Variants in CHCHD6 observed in about 807,000 individuals in gnomAD.
CHCHD6 encodes MICOS complex subunit MIC25.
A neutral mutation model predicts 32.3 loss-of-function variants in CHCHD6; 28 were observed. That is an observed-to-expected ratio of 0.87 (90% CI 0.64 to 1.19). The LOEUF is 1.19. CHCHD6 is among the 50% of genes most tolerant of loss of function. CHCHD6 has a pLI of 0.00. For missense variants in CHCHD6, 333 were observed against 307.0 expected (o/e 1.08, Z -0.63); for synonymous variants, 122 against 117.5 (o/e 1.04, Z -0.25).
chr3:126,929,090 GTGCATGCAGCTGGGCAGATATCTGAAGAT>G (rs1401823635), intron 6 of CHCHD6, among the ~76,000 whole-genome samples: 1 of 152,232 alleles, frequency 6.6e-6, no homozygotes, highest in Non-Finnish European at 1.5e-5. Flanking sequence ...CAAAGTACCT[GTGCATGCAGCTGGGCAGATATCTGAAGAT>G]AACTTTTATG....
chr3:126,957,429 G>C lies in CHCHD6; in HGVS notation c.580G>C (p.Glu194Gln). 1.2e-6 allele frequency: 2 copies of C among 1,611,336 alleles called. No individual in the cohort carries two copies. The highest frequency in any genetic ancestry group is 1.1e-5 in the South Asian group (1 of 90,408). The part of the protein sequence containing the change: ...MESTIKPRRV[E>Q]PVCSGLQAQI... ...TGTCTTCTGCAGGCCCCGCAGGGTG[G>C]AGCCCGTCTGCTCAGGGTTGCAGGC... Residue 194 changes from glutamate to glutamine, a missense_variant, in exon 7 of 8, where the codon GAG (glutamate) becomes CAG (glutamine). Glu to Gln is a conservative substitution (Grantham distance 29, BLOSUM62 2). Transcript: ENST00000290913.
intron 5 of CHCHD6, among the ~76,000 whole-genome samples, chr3:126,868,398 C>A (rs530033813): frequency 1.3e-5 from 2 of 152,074 alleles, no homozygotes; most frequent in East Asian, 3.9e-4. Flanking sequence ...AATTACCCAA[C>A]CATCTGCTTG....
At chr3:126,905,487 G>T (rs1047374506) in intron 5 of CHCHD6, among the ~76,000 whole-genome samples, 3 of 152,122 alleles carry the variant, frequency 2.0e-5, no homozygotes, top group Non-Finnish European at 4.4e-5. Flanking sequence ...GCGCCTACAG[G>T]GACAGTGCCA....
intron 5 of CHCHD6, among the ~76,000 whole-genome samples, chr3:126,856,007 G>C (rs951052082): frequency 1.4e-4 from 21 of 152,126 alleles, no homozygotes; most frequent in African/African-American, 5.1e-4. Flanking sequence ...GTTCTACCTG[G>C]CAACCTTCAT....
chr3:126,725,885 G>A (rs1261245383), intron 1 of CHCHD6, among the ~76,000 whole-genome samples: 1 of 152,228 alleles, frequency 6.6e-6, no homozygotes, highest in Non-Finnish European at 1.5e-5. Context: ...AAGAGAGAGA[G>A]CCTTGGGCTT....
At chr3:126,706,617 A>G (rs1054553153) in intron 1 of CHCHD6, among the ~76,000 whole-genome samples, 2 of 152,102 alleles carry the variant, frequency 1.3e-5, no homozygotes, top group Non-Finnish European at 2.9e-5. Context: ...GTGCACAGTA[A>G]GGTGCACAGC....
intron 4 of CHCHD6, among the ~76,000 whole-genome samples, chr3:126,814,065 T>C (rs1433545694): frequency 1.3e-5 from 2 of 152,202 alleles, no homozygotes; most frequent in African/African-American, 2.4e-5. Context: ...AGAATATTGA[T>C]GGGTAGCTTT....
chr3:126,807,836 A>G (rs1385351981), intron 4 of CHCHD6, among the ~76,000 whole-genome samples: 1 of 152,180 alleles, frequency 6.6e-6, no homozygotes, highest in Non-Finnish European at 1.5e-5. Context: ...GGAGTGGCAA[A>G]CTTTTTCATA....
At chr3:126,759,613 C>T (rs914190394) in intron 4 of CHCHD6, among the ~76,000 whole-genome samples, 2 of 152,106 alleles carry the variant, frequency 1.3e-5, no homozygotes, top group African/African-American at 4.8e-5. Flanking sequence ...TGATCTTTTC[C>T]TCATGATGAG....
chr3:126,771,451 C>T (rs1009081194), intron 4 of CHCHD6, among the ~76,000 whole-genome samples: 15 of 152,180 alleles, frequency 9.9e-5, no homozygotes, highest in East Asian at 1.9e-4. Flanking sequence ...GATCTTGATC[C>T]GCCCACCTCG....
intron 4 of CHCHD6, among the ~76,000 whole-genome samples, chr3:126,842,070 G>A (rs1941108542): frequency 6.6e-6 from 1 of 152,160 alleles, no homozygotes; most frequent in African/African-American, 2.4e-5. Context: ...GCAACAAAAT[G>A]CGATCCCGTC....
At position 126,747,660 on chromosome 3, in the gene CHCHD6, C is replaced by A. The variant is rs149253500; in HGVS notation, c.411+14438C>A. ...GCTTTACCTCCATCTTGGATTTCATCATGACTCAATTCTCATGGCCCATCA... is the reference window on the plus strand; with the variant it reads ...GCTTTACCTCCATCTTGGATTTCATAATGACTCAATTCTCATGGCCCATCA... On this transcript the variant is annotated intron_variant, in intron 4 of 7. Coordinates refer to ENST00000290913, the MANE Select transcript of CHCHD6 (RefSeq NM_032343.3). Among the ~76,000 whole-genome samples, 127 of 152,320 alleles carry A rather than the reference C, an allele frequency of 8.3e-4. 1 individual carries two copies. The highest frequency in any genetic ancestry group is 2.9e-3 in the African/African-American group (121 of 41,578).
intron 4 of CHCHD6, among the ~76,000 whole-genome samples, chr3:126,821,453 C>G (rs1450136927): frequency 2.0e-5 from 3 of 152,052 alleles, no homozygotes; most frequent in East Asian, 3.9e-4. Context: ...GCCCACCACC[C>G]CTGGCTAATT....
chr3:126,833,605 A>G (rs2107543019), intron 4 of CHCHD6, among the ~76,000 whole-genome samples: 1 of 152,286 alleles, frequency 6.6e-6, no homozygotes. Context: ...TCTGATAGCT[A>G]TGCCATCTTG....
chr3:126,826,479 A>G, intron 4 of CHCHD6, among the ~76,000 whole-genome samples: 1 of 152,156 alleles, frequency 6.6e-6, no homozygotes, highest in East Asian at 1.9e-4. Context: ...AAGGCTAGCT[A>G]TTGGTAAGTT....
chr3:126,797,250 G>A (rs1304633470), intron 4 of CHCHD6, among the ~76,000 whole-genome samples: 1 of 152,180 alleles, frequency 6.6e-6, no homozygotes, highest in Non-Finnish European at 1.5e-5. Context: ...AAAACCTTAT[G>A]TTCTTTTTTT....
chr3:126,791,600 G>A (rs184708685), intron 4 of CHCHD6, among the ~76,000 whole-genome samples: 373 of 152,346 alleles, frequency 2.4e-3, no homozygotes, highest in African/African-American at 8.3e-3. Context: ...GCGAGGCTCC[G>A]TGGGTGTGTG....
intron 4 of CHCHD6, among the ~76,000 whole-genome samples, chr3:126,825,919 A>G (rs777033141): frequency 1.3e-5 from 2 of 152,210 alleles, no homozygotes; most frequent in African/African-American, 2.4e-5. Flanking sequence ...ATTTCTTTCT[A>G]GCAATTCTGT....
chr3:126,739,012 G>C (rs1936175460), intron 4 of CHCHD6, among the ~76,000 whole-genome samples: 1 of 152,152 alleles, frequency 6.6e-6, no homozygotes, highest in African/African-American at 2.4e-5. Context: ...TAGCTGTTTG[G>C]CATGGCTGTT....
Sources: allele counts gnomAD v4.1 joint callset (sites outside exome capture counted in the v4.1 genomes callset), GRCh38; gene constraint gnomAD v4.1.1; transcripts MANE v1.5; gene names NCBI Gene and HGNC (gene_info 2026-07-23, HGNC 2026-07-21).